Variants in NELL1 observed in about 807,000 individuals in gnomAD.
NELL1 encodes the protein neural EGFL like 1.
In NELL1, 76 loss-of-function variants were observed where a neutral mutation model predicts 107.4. That is an observed-to-expected ratio of 0.71 (90% confidence interval 0.59 to 0.86). The LOEUF is 0.86. NELL1 is among the 40% of genes least tolerant of loss of function. The probability of loss-of-function intolerance (pLI) is 0.00; values close to 1 mark genes in which losing one functional copy is unlikely to be tolerated. For missense variants in NELL1, 1,024 were observed against 1,005.5 expected (o/e 1.02, Z -0.25); for synonymous variants, 353 against 341.2 (o/e 1.03, Z -0.38).
intron 12 of NELL1, among the ~76,000 whole-genome samples, chr11:21,059,756 G>C (rs913701840): frequency 2.0e-5 from 3 of 152,084 alleles, no homozygotes; most frequent in Non-Finnish European, 4.4e-5. Flanking sequence ...TTTCGCTACT[G>C]CATCTTCCTT....
chr11:21,481,336 G>C lies in NELL1; in HGVS notation c.1646-53038G>C, dbSNP rs111821369. Among the ~76,000 whole-genome samples the C allele has an allele frequency of 1.1e-3, 161 of 152,256 alleles. 3 individuals carry two copies. Among genetic ancestry groups the C allele is most frequent in the African/African-American group, 3.7e-3 (155 of 41,558 alleles). ...ACTGTGGAGAGCTCAGAAAAGAGCA[G>C]TGAAATGATGAAAGTTCCATGAGGT... On this transcript the variant is annotated intron_variant, in intron 15 of 19. Transcript: ENST00000357134.
intron 14 of NELL1, among the ~76,000 whole-genome samples, chr11:21,257,249 C>G (rs1348724030): frequency 6.6e-6 from 1 of 151,972 alleles, no homozygotes; most frequent in Admixed American, 6.6e-5. Flanking sequence ...AAGTGAGATG[C>G]CACACCACTA....
chr11:21,267,266 A>C (rs1431799799), intron 14 of NELL1, among the ~76,000 whole-genome samples: 1 of 152,112 alleles, frequency 6.6e-6, no homozygotes, highest in Non-Finnish European at 1.5e-5. Context: ...TAATATCATG[A>C]ATAAATAGAA....
intron 4 of NELL1, among the ~76,000 whole-genome samples, chr11:20,877,437 C>T (rs958376346): frequency 3.3e-5 from 5 of 152,160 alleles, no homozygotes; most frequent in Non-Finnish European, 5.9e-5. Flanking sequence ...CTTCCTTTAT[C>T]CAGGTAAATA....
At chr11:20,678,758 A>C (rs570338755) in intron 2 of NELL1, among the ~76,000 whole-genome samples, 3 of 152,256 alleles carry the variant, frequency 2.0e-5, no homozygotes, top group East Asian at 3.9e-4. Context: ...ATAACTAGCT[A>C]GTTTCCTTTC....
At chr11:21,177,110 A>T (rs1380564945) in intron 13 of NELL1, among the ~76,000 whole-genome samples, 2 of 151,838 alleles carry the variant, frequency 1.3e-5, no homozygotes. Flanking sequence ...GTGAGAACAA[A>T]ATGGTAGAGA....
chr11:20,988,429 GTATA>G (rs59442800), intron 12 of NELL1, among the ~76,000 whole-genome samples: 3,372 of 125,534 alleles, frequency 0.027, 144 homozygotes, highest in African/African-American at 0.1. Context: ...ACATATGTGT[GTATA>G]TATATCTATA....
chr11:21,560,493 GCTTCT>G, intron 17 of NELL1, 111 bp downstream of exon 17: 2 of 959,424 alleles, frequency 2.1e-6, no homozygotes, highest in South Asian at 1.7e-5. Context: ...TCCTGAACAG[GCTTCT>G]CCTGTTCTTA....
At chr11:21,265,681 A>C (rs1292488078) in intron 14 of NELL1, among the ~76,000 whole-genome samples, 61 of 152,010 alleles carry the variant, frequency 4.0e-4, no homozygotes, top group Admixed American at 4.0e-3. Flanking sequence ...GCATGTTTTA[A>C]AGTTTCTGTT....
chr11:21,131,818 T>C (rs1855624936), intron 13 of NELL1, among the ~76,000 whole-genome samples: 1 of 152,206 alleles, frequency 6.6e-6, no homozygotes, highest in Admixed American at 6.5e-5. Context: ...TTTGTTTTGC[T>C]GAATATTGCA....
chr11:20,753,319 C>T (rs1856186114), intron 2 of NELL1, among the ~76,000 whole-genome samples: 1 of 152,190 alleles, frequency 6.6e-6, no homozygotes, highest in Non-Finnish European at 1.5e-5. Context: ...GCCTAGTGAT[C>T]TTAATATCTC....
chr11:20,841,588 T>A (rs973062103), intron 3 of NELL1, among the ~76,000 whole-genome samples: 2 of 152,166 alleles, frequency 1.3e-5, no homozygotes, highest in Non-Finnish European at 1.5e-5. Flanking sequence ...AATTTAGACC[T>A]GAGCTGGACT....
chr11:21,023,021 G>A (rs1003687887), intron 12 of NELL1, among the ~76,000 whole-genome samples: 8 of 151,954 alleles, frequency 5.3e-5, no homozygotes, highest in African/African-American at 1.9e-4. Flanking sequence ...GTGCTCTATG[G>A]TTCCCTCGAA....
At chr11:20,729,423 G>A (rs896251745) in intron 2 of NELL1, among the ~76,000 whole-genome samples, 12 of 152,090 alleles carry the variant, frequency 7.9e-5, no homozygotes, top group African/African-American at 2.7e-4. Context: ...TGCCCATTCA[G>A]TATGATGTTG....
chr11:21,176,667 G>A (rs888368991), intron 13 of NELL1, among the ~76,000 whole-genome samples: 1 of 151,818 alleles, frequency 6.6e-6, no homozygotes, highest in African/African-American at 2.4e-5. Context: ...GGTGAGCCAG[G>A]TGTCCTTATG....
At chr11:20,786,180 T>A (rs4923044) in intron 3 of NELL1, among the ~76,000 whole-genome samples, 43,078 of 150,854 alleles carry the variant, frequency 0.29, 6,905 homozygotes, top group African/African-American at 0.42. Flanking sequence ...TGAAACCCCG[T>A]CTCCACTTAA....
chr11:21,349,689 G>A (rs1464921441), intron 14 of NELL1, among the ~76,000 whole-genome samples: 1 of 151,906 alleles, frequency 6.6e-6, no homozygotes, highest in African/African-American at 2.4e-5. Flanking sequence ...TATTGTCTGT[G>A]GATAGAGAGA....
chr11:21,316,154 T>C (rs1260136395), intron 14 of NELL1, among the ~76,000 whole-genome samples: 3 of 152,206 alleles, frequency 2.0e-5, no homozygotes, highest in Admixed American at 2.0e-4. Context: ...CATCCACAGC[T>C]TGAATCCCTT....
At chr11:21,152,865 G>C (rs2133789078) in intron 13 of NELL1, among the ~76,000 whole-genome samples, 1 of 152,044 alleles carries the variant, frequency 6.6e-6, no homozygotes, top group South Asian at 2.1e-4. Flanking sequence ...ATTATATCCT[G>C]AATGATTTCA....
Sources: gnomAD v4.1 joint callset for allele counts (sites outside exome capture counted in the v4.1 genomes callset) on GRCh38, gnomAD v4.1.1 for gene constraint, MANE v1.5 for transcripts, NCBI Gene and HGNC (gene_info 2026-07-23, HGNC 2026-07-21) for gene names.